USP32: variants seen among roughly 807,000 people sequenced by gnomAD.
USP32 encodes the protein ubiquitin specific peptidase 32, also known as ubiquitin carboxyl-terminal hydrolase 32.
USP32 carries 59 observed loss-of-function variants against 204.8 expected under a neutral mutation model. The observed-to-expected ratio is 0.29, with a 90% CI of 0.23 to 0.36. The LOEUF is 0.36. Among genes scored for constraint, USP32 ranks in the 10% least tolerant of loss-of-function variants. USP32 has a pLI of 1.00. For synonymous variants in USP32, 517 were observed against 678.4 expected (o/e 0.76, Z 3.70); for missense variants, 1,160 against 1,946.4 (o/e 0.60, Z 7.60).
At chr17:60,216,399 C>T (rs939018743) in intron 16 of USP32, among the ~76,000 whole-genome samples, 34 of 151,696 alleles carry the variant, frequency 2.2e-4, no homozygotes, top group Non-Finnish European at 4.3e-4. Context: ...TTTTATTGAG[C>T]AACCCAACTT....
At chr17:60,379,352 T>C (rs982197768) in intron 1 of USP32, among the ~76,000 whole-genome samples, 2 of 152,176 alleles carry the variant, frequency 1.3e-5, no homozygotes, top group African/African-American at 2.4e-5. Flanking sequence ...AATCCACCTG[T>C]AGTATTTTGA....
intron 30 of USP32, among the ~76,000 whole-genome samples, chr17:60,184,314 CAA>C (rs35229069): frequency 2.2e-4 from 20 of 89,588 alleles, no homozygotes; most frequent in African/African-American, 2.3e-4. Context: ...GACTCCGTCT[CAA>C]AAAAAAAAAA....
intron 2 of USP32, among the ~76,000 whole-genome samples, chr17:60,322,749 A>G (rs915027725): frequency 2.0e-5 from 3 of 152,220 alleles, no homozygotes; most frequent in African/African-American, 7.2e-5. Flanking sequence ...CATTTTAAAG[A>G]TATTTATTGC....
At chr17:60,350,636 G>A (rs1308089609) in intron 1 of USP32, among the ~76,000 whole-genome samples, 2 of 152,048 alleles carry the variant, frequency 1.3e-5, no homozygotes, top group African/African-American at 4.8e-5. Flanking sequence ...AGTTATCTTC[G>A]TATTAGAAAG....
intron 7 of USP32, among the ~76,000 whole-genome samples, chr17:60,266,616 GTAGCTGGGAT>G: frequency 6.8e-6 from 1 of 146,188 alleles, no homozygotes; most frequent in Middle Eastern, 3.7e-3. Flanking sequence ...AGCCTCCCGA[GTAGCTGGGAT>G]TACAGGAGCA....
At chr17:60,418,905 C>T (rs952686897) in intron 1 of USP32, among the ~76,000 whole-genome samples, 3 of 152,184 alleles carry the variant, frequency 2.0e-5, no homozygotes, top group Non-Finnish European at 4.4e-5. Context: ...AACACTTCTA[C>T]ACTGTTGGTA....
intron 8 of USP32, 57 bp downstream of exon 8, chr17:60,265,919 C>A: frequency 7.6e-7 from 1 of 1,308,326 alleles, no homozygotes; most frequent in South Asian, 1.2e-5. Context: ...AAAATGATTC[C>A]CTCCAATTTC....
rs142037093 is a variant in USP32 at position 60,308,096 on chromosome 17, C to G, written c.187-6392G>C. On this transcript the variant is annotated intron_variant, in intron 2 of 33. Coordinates refer to ENST00000300896, the MANE Select transcript of USP32 (RefSeq NM_032582.4). ...TGGCTCACCGTCCAGCTGCTGAGAG[C>G]TACTTCTACCATTCAGTAAAATCTT... Among the ~76,000 whole-genome samples the G allele has an allele frequency of 2.2e-3, 336 of 152,326 alleles. 1 individual carries two copies. The highest frequency in any genetic ancestry group is 7.6e-3 in the African/African-American group (315 of 41,580).
intron 15 of USP32, among the ~76,000 whole-genome samples, chr17:60,221,894 C>T (rs776606940): frequency 1.3e-4 from 20 of 151,996 alleles, no homozygotes; most frequent in African/African-American, 4.8e-5. Flanking sequence ...TGCTGTTTAC[C>T]GTGTAAGCAC....
In USP32 at chr17:60,345,586, T is replaced by C. The variant is rs538225245; in HGVS notation, c.81A>G (p.Arg27=). Residue 27 remains arginine, a synonymous_variant, in exon 2 of 34, where the codon CGA becomes CGG. Transcript: ENST00000300896. ...LRRVTDVELK[R]LKDAFKRTCG... is the part of the protein sequence containing the mutation. ...AGGTCCTCTTGAAAGCATCCTTCAG[T>C]CGTTTTAGCTCTACATCTGTAACTG... 6.2e-7 allele frequency: 1 copy of C among 1,614,174 alleles called. No homozygotes were observed. The highest frequency in any genetic ancestry group is 8.5e-7 in the Non-Finnish European group (1 of 1,180,018).
At position 60,185,660 on chromosome 17, in the gene USP32, A is replaced by G; in HGVS notation, c.3643-9T>C. Reference sequence around the variant, plus strand: ...TCATGCTCATCTACAACCTGCAGGTAGAGGGAACAGGAGGAAAGGGGTGCG... The same window carrying G: ...TCATGCTCATCTACAACCTGCAGGTGGAGGGAACAGGAGGAAAGGGGTGCG... On this transcript the variant is annotated splice_polypyrimidine_tract_variant and intron_variant, in intron 29 of 33. Transcript: ENST00000300896. The G allele has an allele frequency of 6.2e-7, 1 of 1,607,284 alleles. No individual in the cohort carries two copies. Among genetic ancestry groups the G allele is most frequent in the Non-Finnish European group, 8.5e-7 (1 of 1,175,998 alleles).
chr17:60,253,695 G>C (rs1468965170), intron 10 of USP32, among the ~76,000 whole-genome samples: 2 of 152,114 alleles, frequency 1.3e-5, no homozygotes, highest in Non-Finnish European at 1.5e-5. Context: ...GAACCTGAGA[G>C]ATAGAGGTTG....
At chr17:60,215,958 C>T (rs1422246952) in intron 16 of USP32, among the ~76,000 whole-genome samples, 1 of 152,140 alleles carries the variant, frequency 6.6e-6, no homozygotes, top group South Asian at 2.1e-4. Context: ...CCTTGGCCCC[C>T]CAAAGTTCTG....
chr17:60,367,811 C>T (rs914667954), intron 1 of USP32, among the ~76,000 whole-genome samples: 2 of 151,906 alleles, frequency 1.3e-5, no homozygotes, highest in Non-Finnish European at 2.9e-5. Flanking sequence ...CTGTCTAAAA[C>T]AAAACAAAAC....
Position 60,208,045 on chromosome 17 carries a change from G to A in USP32, c.2925+14C>T, listed in dbSNP as rs759174208. ...AGGATAGAATCAAAAGTTTCTTAGAGTAGTTAATATTACCTTTATGTTGGA... is the reference window on the plus strand; with the variant it reads ...AGGATAGAATCAAAAGTTTCTTAGAATAGTTAATATTACCTTTATGTTGGA... On this transcript the variant is annotated intron_variant, in intron 24 of 33. Coordinates refer to ENST00000300896, the MANE Select transcript of USP32 (RefSeq NM_032582.4). The A allele has an allele frequency of 9.6e-6, 15 of 1,559,486 alleles. No individual in the cohort carries two copies. The highest frequency in any genetic ancestry group is 4.8e-5 in the South Asian group (4 of 82,560).
intron 10 of USP32, among the ~76,000 whole-genome samples, chr17:60,254,805 CTTTTA>C (rs1296627541): frequency 2.6e-5 from 4 of 152,052 alleles, no homozygotes; most frequent in African/African-American, 9.6e-5. Flanking sequence ...TTAGGAAGGC[CTTTTA>C]TTTATTTATT....
intron 1 of USP32, among the ~76,000 whole-genome samples, chr17:60,376,570 C>G (rs1284368408): frequency 6.6e-6 from 1 of 151,142 alleles, no homozygotes; most frequent in Non-Finnish European, 1.5e-5. Context: ...GTCGCTCAGG[C>G]TAGAGTGCAG....
chr17:60,383,493 G>T (rs1460009866), intron 1 of USP32, among the ~76,000 whole-genome samples: 1 of 152,146 alleles, frequency 6.6e-6, no homozygotes, highest in Middle Eastern at 3.2e-3. Context: ...TTCAGCAACA[G>T]ACCTGACAAT....
intron 7 of USP32, among the ~76,000 whole-genome samples, chr17:60,268,692 TAG>T (rs952665879): frequency 2.1e-5 from 3 of 146,168 alleles, no homozygotes; most frequent in Non-Finnish European, 4.5e-5. Context: ...GGAATAAAAA[TAG>T]AGATTTGAAT....
Sources: gnomAD v4.1 joint callset for allele counts (sites outside exome capture counted in the v4.1 genomes callset) on GRCh38, gnomAD v4.1.1 for gene constraint, MANE v1.5 for transcripts, NCBI Gene and HGNC (gene_info 2026-07-23, HGNC 2026-07-21) for gene names.